Variants in PKIB observed in about 807,000 individuals in gnomAD.
PKIB encodes cAMP-dependent protein kinase inhibitor beta.
In PKIB, 2 loss-of-function variants were observed where a neutral mutation model predicts 4.5. The observed-to-expected ratio is 0.44, with a 90% CI of 0.18 to 1.39. The LOEUF (loss-of-function observed/expected upper bound fraction) is 1.39, where lower values mean the gene tolerates loss of function less well. PKIB is among the 40% of genes most tolerant of loss of function. The pLI is 0.27. For missense variants in PKIB, 94 were observed against 92.6 expected (o/e 1.02, Z -0.06); for synonymous variants, 38 against 36.0 (o/e 1.06, Z -0.20).
At chr6:122,693,231 G>A (rs569213275) in intron 3 of PKIB, among the ~76,000 whole-genome samples, 4 of 152,300 alleles carry the variant, frequency 2.6e-5, no homozygotes, top group Admixed American at 2.6e-4. Flanking sequence ...CAGTACTCTA[G>A]GGTGTAGTAC....
At position 122,603,302 on chromosome 6, in the gene PKIB, T is replaced by C. The variant is rs80245121; in HGVS notation, c.-161+17295T>C. 9.5e-3 allele frequency among the ~76,000 whole-genome samples: 1,447 copies of C among 152,274 alleles called. 24 individuals carry two copies. Among genetic ancestry groups the C allele is most frequent in the African/African-American group, 0.031 (1,295 of 41,546 alleles). On this transcript the variant is annotated intron_variant, in intron 3 of 6. Coordinates refer to the PKIB transcript ENST00000392491. ...ACTGGAGTTCTGATAAAATGTATAT[T>C]TTCCAATTTAATAAGATAAGGCATG... is the stretch of plus-strand genomic sequence containing the variant.
At chr6:122,502,693 A>G (rs1414849873) in intron 2 of PKIB, among the ~76,000 whole-genome samples, 5 of 152,178 alleles carry the variant, frequency 3.3e-5, no homozygotes, top group African/African-American at 1.2e-4. Context: ...GTTGGGGACA[A>G]AGAGCTAAAC....
chr6:122,480,334 G>A (rs1265945852), intron 2 of PKIB: 1 of 152,140 alleles, frequency 6.6e-6, no homozygotes, highest in Non-Finnish European at 1.5e-5. Context: ...GAGCCACCAT[G>A]CCCGGCCTAT....
chr6:122,616,430 T>C (rs914991057), intron 1 of PKIB, among the ~76,000 whole-genome samples: 9 of 152,200 alleles, frequency 5.9e-5, no homozygotes, highest in African/African-American at 1.9e-4. Flanking sequence ...TAGTGTCCAG[T>C]AGTCCTCCCA....
upstream of PKIB, among the ~76,000 whole-genome samples, chr6:122,608,337 T>A (rs2114752803): frequency 6.6e-6 from 1 of 152,366 alleles, no homozygotes; most frequent in African/African-American, 2.4e-5. Flanking sequence ...TGGATTAAAC[T>A]TTCTGCATTT....
chr6:122,551,874 CTTTTTT>C (rs61025863), intron 2 of PKIB, among the ~76,000 whole-genome samples: 45 of 87,516 alleles, frequency 5.1e-4, no homozygotes, highest in African/African-American at 1.8e-3. Context: ...CTTAGTACAT[CTTTTTT>C]TTTTTTTTTT....
chr6:122,681,301 G>T (rs763138379), intron 3 of PKIB, among the ~76,000 whole-genome samples: 7 of 152,062 alleles, frequency 4.6e-5, no homozygotes, highest in Non-Finnish European at 8.8e-5. Context: ...GCACTCAACA[G>T]ATATTTTTCA....
intron 3 of PKIB, among the ~76,000 whole-genome samples, chr6:122,590,120 G>C (rs958128095): frequency 2.6e-5 from 4 of 152,128 alleles, no homozygotes; most frequent in African/African-American, 9.7e-5. Context: ...CAAATTATTG[G>C]TAAGGATGAG....
At chr6:122,708,146 A>G (rs889546370) in intron 3 of PKIB, among the ~76,000 whole-genome samples, 25 of 152,208 alleles carry the variant, frequency 1.6e-4, no homozygotes, top group African/African-American at 6.0e-4. Flanking sequence ...AACTGCAATC[A>G]TAAGTAAATG....
intron 3 of PKIB, among the ~76,000 whole-genome samples, chr6:122,590,917 G>T (rs1250901581): frequency 6.6e-6 from 1 of 152,088 alleles, no homozygotes; most frequent in Non-Finnish European, 1.5e-5. Flanking sequence ...TGAGATAAAA[G>T]TGTAGAAGGT....
chr6:122,501,946 T>A (rs1168703214), intron 2 of PKIB, among the ~76,000 whole-genome samples: 2 of 150,668 alleles, frequency 1.3e-5, no homozygotes, highest in Non-Finnish European at 3.0e-5. Context: ...TTTTTTTTTT[T>A]TTTAATTTTA....
At chr6:122,475,742 C>T (rs1293080502) in intron 1 of PKIB, among the ~76,000 whole-genome samples, 2 of 152,112 alleles carry the variant, frequency 1.3e-5, no homozygotes, top group South Asian at 2.1e-4. Flanking sequence ...GCTGAGATCA[C>T]GCCACTGCAC....
chr6:122,496,920 A>G (rs1376805096), intron 2 of PKIB, among the ~76,000 whole-genome samples: 2 of 152,218 alleles, frequency 1.3e-5, no homozygotes, highest in Non-Finnish European at 2.9e-5. Flanking sequence ...TAAAGGATAT[A>G]GTCACCAGAC....
At chr6:122,676,918 A>T (rs568970293) in intron 3 of PKIB, among the ~76,000 whole-genome samples, 1 of 152,300 alleles carries the variant, frequency 6.6e-6, no homozygotes, top group Admixed American at 6.5e-5. Flanking sequence ...CTAACACTTC[A>T]GTTTGTAAAT....
intron 2 of PKIB, among the ~76,000 whole-genome samples, chr6:122,573,957 A>G (rs1163784193): frequency 2.0e-5 from 3 of 152,214 alleles, no homozygotes; most frequent in Admixed American, 1.3e-4. Context: ...AAGGGCATCC[A>G]AACTGGAAAA....
chr6:122,638,057 T>C (rs984648044), intron 2 of PKIB, among the ~76,000 whole-genome samples: 5 of 152,206 alleles, frequency 3.3e-5, no homozygotes, highest in African/African-American at 9.7e-5. Flanking sequence ...TCTTGAATAA[T>C]GCAGTAGATA....
At chr6:122,497,885 C>G (rs1776120857) in intron 2 of PKIB, among the ~76,000 whole-genome samples, 1 of 152,184 alleles carries the variant, frequency 6.6e-6, no homozygotes, top group Admixed American at 6.5e-5. Context: ...ACAGGACACT[C>G]TACCCATCAA....
At chr6:122,582,360 T>C (rs1773727790) in intron 2 of PKIB, among the ~76,000 whole-genome samples, 1 of 152,076 alleles carries the variant, frequency 6.6e-6, no homozygotes, top group Admixed American at 6.6e-5. Flanking sequence ...ATGTGGCTAC[T>C]GTTTAACAAC....
intron 1 of PKIB, among the ~76,000 whole-genome samples, chr6:122,623,684 C>T (rs1775324179): frequency 6.6e-6 from 1 of 152,124 alleles, no homozygotes; most frequent in African/African-American, 2.4e-5. Flanking sequence ...GAAAATTTCC[C>T]TCAAGCCTTG....
Sources: allele counts gnomAD v4.1 joint callset (sites outside exome capture counted in the v4.1 genomes callset), GRCh38; gene constraint gnomAD v4.1.1; transcripts MANE v1.5; gene names NCBI Gene and HGNC (gene_info 2026-07-23, HGNC 2026-07-21).